The following ANKRD31 variants were observed in gnomAD, a reference collection of about 807,000 sequenced individuals.
ANKRD31 encodes ankyrin repeat domain-containing protein 31.
In ANKRD31, 147 loss-of-function variants were observed where a neutral mutation model predicts 186.0. The ratio of observed to expected loss-of-function variants is 0.79; its 90% CI spans 0.69 to 0.91. ANKRD31 has a LOEUF of 0.91. ANKRD31 is among the 40% of genes least tolerant of loss of function. ANKRD31 has a pLI of 0.00. For missense variants in ANKRD31, 1,986 were observed against 2,148.8 expected (o/e 0.92, Z 1.50); for synonymous variants, 673 against 736.4 (o/e 0.91, Z 1.39).
At position 75,147,132 on chromosome 5, in the gene ANKRD31, T is replaced by C; in HGVS notation, c.2279A>G (p.Asn760Ser). The stretch of plus-strand genomic sequence containing the variant: ...ATGCTGCTGATAGGTAACCAATCTG[T>C]TTATTCTCCTGGAAGGAGAGACAGC... Reference protein sequence around the residue: ...ILAVSPSRRINRLVTYQQHIP... With the variant: ...ILAVSPSRRISRLVTYQQHIP... The change falls in exon 14 of 26, where the codon AAC (asparagine) becomes AGC (serine). Residue 760 changes from asparagine (N) to serine (S), a missense_variant. Coordinates refer to ENST00000506364, the MANE Select transcript of ANKRD31 (RefSeq NM_001372053.1). 6.5e-7 allele frequency: 1 copy of C among 1,536,332 alleles called. No homozygotes were observed. Among genetic ancestry groups the C allele is most frequent in the Non-Finnish European group, 8.7e-7 (1 of 1,146,310 alleles).
chr5:75,224,129 T>TTTTATATATATATATA (rs1757467689), intron 2 of ANKRD31, among the ~76,000 whole-genome samples: 2 of 105,774 alleles, frequency 1.9e-5, no homozygotes, highest in Non-Finnish European at 1.9e-5. Context: ...TCAGAAATAA[T>TTTTATATATATATATA]TATATATATA....
chr5:75,185,373 C>T (rs559506412), intron 10 of ANKRD31, among the ~76,000 whole-genome samples: 2 of 152,268 alleles, frequency 1.3e-5, no homozygotes, highest in South Asian at 4.2e-4. Flanking sequence ...TCCTGGCCAA[C>T]ATGGTGAAAC....
At chr5:75,211,113 T>C (rs1454267950) in intron 3 of ANKRD31, among the ~76,000 whole-genome samples, 1 of 152,130 alleles carries the variant, frequency 6.6e-6, no homozygotes, top group African/African-American at 2.4e-5. Flanking sequence ...ACTTTTTCAT[T>C]TTCCCAAAGT....
At chr5:75,225,556 G>A in intron 2 of ANKRD31, 1 of 282,904 alleles carries the variant, frequency 3.5e-6, no homozygotes. Context: ...GAATGACAGG[G>A]TTTGTCAATG....
intron 23 of ANKRD31, 65 bp from the exon 24 acceptor site, chr5:75,084,439 C>T: frequency 8.5e-7 from 1 of 1,175,162 alleles, no homozygotes; most frequent in South Asian, 1.3e-5. Flanking sequence ...ACACCTATGT[C>T]CTGAACATTG....
At chr5:75,169,948 G>C (rs1256463957) in intron 10 of ANKRD31, among the ~76,000 whole-genome samples, 2 of 152,134 alleles carry the variant, frequency 1.3e-5, no homozygotes, top group Non-Finnish European at 2.9e-5. Context: ...CCCCTGGGGA[G>C]GGGGTGGGAG....
chr5:75,135,752 C>T (rs1750519839), intron 17 of ANKRD31, among the ~76,000 whole-genome samples: 1 of 152,164 alleles, frequency 6.6e-6, no homozygotes, highest in Non-Finnish European at 1.5e-5. Flanking sequence ...CATCACGCTG[C>T]CTGCCTTCAA....
intron 11 of ANKRD31, among the ~76,000 whole-genome samples, chr5:75,162,330 G>A (rs1752622415): frequency 1.3e-5 from 2 of 152,194 alleles, no homozygotes; most frequent in African/African-American, 4.8e-5. Flanking sequence ...CTGCCCCGCT[G>A]GATTTCGGAC....
In ANKRD31 at chr5:75,099,670, G is replaced by A. The variant is rs185239950; in HGVS notation, c.5331+4558C>T. Among the ~76,000 whole-genome samples the A allele has an allele frequency of 4.0e-3, 608 of 152,276 alleles. 5 individuals are homozygous for A. The highest frequency in any genetic ancestry group is 0.014 in the African/African-American group (588 of 41,562). Reference sequence around the variant, plus strand: ...CTGGTTTAGTCTTGGGAGGGTGTATGTGTCCAGGAATTTATCCATTTCTTC... The same window carrying A: ...CTGGTTTAGTCTTGGGAGGGTGTATATGTCCAGGAATTTATCCATTTCTTC... On this transcript the variant is annotated intron_variant, in intron 22 of 25. Transcript: ENST00000506364.
intron 17 of ANKRD31, among the ~76,000 whole-genome samples, chr5:75,133,185 G>T (rs1047245949): frequency 6.6e-6 from 1 of 152,134 alleles, no homozygotes; most frequent in African/African-American, 2.4e-5. Context: ...ATGTAAATGA[G>T]CTAACTGCTC....
chr5:75,104,984 C>A lies in ANKRD31; in HGVS notation c.4575G>T (p.Glu1525Asp). 6.5e-7 allele frequency: 1 copy of A among 1,537,072 alleles called. No individual in the cohort carries two copies. The change falls in exon 22 of 26, where the codon GAG (glutamate) becomes GAT (aspartate). Residue 1525 changes from glutamate (E) to aspartate (D), a missense_variant. Transcript: ENST00000506364. The stretch of plus-strand genomic sequence containing the variant: ...GAGAAAGTGAACCTGATTGGGGATG[C>A]TCTAAATTTTCCAGACTAGTGAGCT... ...SQELTSLENLEHPQSGSLSPV... is the reference protein window; with the variant it reads ...SQELTSLENLDHPQSGSLSPV...
chr5:75,149,139 A>G (rs1751687573), intron 12 of ANKRD31, among the ~76,000 whole-genome samples: 1 of 151,938 alleles, frequency 6.6e-6, no homozygotes, highest in Non-Finnish European at 1.5e-5. Flanking sequence ...ATTTTTAAAA[A>G]GCCTGAGTTG....
chr5:75,156,298 T>C (rs1016810179), intron 11 of ANKRD31, among the ~76,000 whole-genome samples: 2 of 152,182 alleles, frequency 1.3e-5, no homozygotes, highest in Non-Finnish European at 2.9e-5. Flanking sequence ...AAACTACTTT[T>C]TAATCACTTT....
intron 10 of ANKRD31, among the ~76,000 whole-genome samples, chr5:75,179,510 A>G (rs759004086): frequency 2.0e-5 from 3 of 152,154 alleles, no homozygotes; most frequent in African/African-American, 4.8e-5. Flanking sequence ...ACCGAATCCA[A>G]CAGCACATCA....
intron 10 of ANKRD31, among the ~76,000 whole-genome samples, chr5:75,170,935 A>G (rs1753268535): frequency 6.6e-6 from 1 of 152,110 alleles, no homozygotes; most frequent in South Asian, 2.1e-4. Flanking sequence ...AGACATGACA[A>G]TCATAACGTT....
chr5:75,115,848 T>G (rs1400767386), intron 19 of ANKRD31, among the ~76,000 whole-genome samples: 1 of 152,076 alleles, frequency 6.6e-6, no homozygotes, highest in Non-Finnish European at 1.5e-5. Flanking sequence ...CAAGTCAGTG[T>G]GGCGATTCCT....
chr5:75,177,299 A>G (rs1383260690), intron 10 of ANKRD31, among the ~76,000 whole-genome samples: 2 of 152,244 alleles, frequency 1.3e-5, no homozygotes, highest in Admixed American at 6.5e-5. Context: ...ACCAAGTTGG[A>G]AAACACTCTG....
At chr5:75,135,539 A>G (rs949236116) in intron 17 of ANKRD31, among the ~76,000 whole-genome samples, 1 of 152,208 alleles carries the variant, frequency 6.6e-6, no homozygotes, top group Non-Finnish European at 1.5e-5. Flanking sequence ...ATGGAAGAAC[A>G]TTCCATGCTC....
intron 23 of ANKRD31, among the ~76,000 whole-genome samples, chr5:75,084,937 G>C (rs1745367454): frequency 6.6e-6 from 1 of 151,982 alleles, no homozygotes; most frequent in Admixed American, 6.6e-5. Flanking sequence ...TCAGAGCTTA[G>C]AAATATCTAC....
Sources: allele counts gnomAD v4.1 joint callset (sites outside exome capture counted in the v4.1 genomes callset), GRCh38; gene constraint gnomAD v4.1.1; transcripts MANE v1.5; gene names NCBI Gene and HGNC (gene_info 2026-07-23, HGNC 2026-07-21).